The following TMEM232 variants were observed in gnomAD, a reference collection of about 807,000 sequenced individuals.
The protein encoded by TMEM232 is transmembrane protein 232.
TMEM232 carries 80 observed loss-of-function variants against 78.8 expected under a neutral mutation model. The observed-to-expected ratio is 1.01, with a 90% CI of 0.85 to 1.22. The LOEUF (loss-of-function observed/expected upper bound fraction) is 1.22, where lower values mean the gene tolerates loss of function less well. Ranked by LOEUF, TMEM232 falls within the 50% of genes most tolerant of loss-of-function variation. The pLI, the probability that TMEM232 is intolerant of heterozygous loss-of-function variation, is 0.00. For synonymous variants in TMEM232, 297 were observed against 254.3 expected, an observed-to-expected ratio of 1.17 and a Z score of -1.60; for missense variants, 881 against 742.2, an observed-to-expected ratio of 1.19 and a Z score of -2.17.
intron 5 of TMEM232, among the ~76,000 whole-genome samples, chr5:110,637,441 C>T (rs1786003409): frequency 6.6e-6 from 1 of 151,780 alleles, no homozygotes; most frequent in African/African-American, 2.4e-5. Context: ...CCAAAATGTT[C>T]AACTGATGGA....
chr5:110,627,406 G>A (rs569013749), intron 6 of TMEM232, among the ~76,000 whole-genome samples: 19 of 152,228 alleles, frequency 1.2e-4, no homozygotes, highest in Non-Finnish European at 2.5e-4. Context: ...GGAGTAGGTC[G>A]TGAGAACGGA....
chr5:110,436,416 C>T (rs1580674000), intron 12 of TMEM232, among the ~76,000 whole-genome samples: 1 of 152,056 alleles, frequency 6.6e-6, no homozygotes, highest in South Asian at 2.1e-4. Flanking sequence ...TGTCTCTTCA[C>T]TTTGTTGACT....
At chr5:110,567,483 T>C (rs537561710) in intron 11 of TMEM232, among the ~76,000 whole-genome samples, 1 of 151,846 alleles carries the variant, frequency 6.6e-6, no homozygotes, top group African/African-American at 2.4e-5. Context: ...TCCTTTAATA[T>C]GGTAGTTGTT....
rs555169869 is a variant in TMEM232 at position 110,656,009 on chromosome 5, A to C, written c.125+11219T>G. Among the ~76,000 whole-genome samples, 4 of 151,824 alleles carry C rather than the reference A, an allele frequency of 2.6e-5. No homozygotes were observed. The East Asian group carries it at 7.8e-4, about 30-fold the overall frequency. On this transcript the variant is annotated intron_variant, in intron 2 of 13. Transcript: ENST00000455884. ...CAGCATGGCACATGTATACATATGA[A>C]CTAACCTGCACATTGTGCACATGTA...
At chr5:110,549,322 T>G (rs988519575) in intron 11 of TMEM232, among the ~76,000 whole-genome samples, 2 of 152,118 alleles carry the variant, frequency 1.3e-5, no homozygotes, top group African/African-American at 4.8e-5. Flanking sequence ...AGTTGATTTT[T>G]AAGACTGAGA....
At chr5:110,525,793 A>T (rs1270900509) in intron 12 of TMEM232, among the ~76,000 whole-genome samples, 1 of 151,384 alleles carries the variant, frequency 6.6e-6, no homozygotes, top group African/African-American at 2.4e-5. Flanking sequence ...AATAATTAAA[A>T]CTATATATTA....
At chr5:110,693,781 C>G (rs1398803160) in intron 1 of TMEM232, among the ~76,000 whole-genome samples, 1 of 152,066 alleles carries the variant, frequency 6.6e-6, no homozygotes, top group Non-Finnish European at 1.5e-5. Context: ...ACAAACAAAG[C>G]CTCCAAGAAA....
At chr5:110,453,575 A>G (rs1015428400) in intron 12 of TMEM232, among the ~76,000 whole-genome samples, 7 of 152,194 alleles carry the variant, frequency 4.6e-5, no homozygotes, top group African/African-American at 1.7e-4. Flanking sequence ...TGCTGGGATT[A>G]CAGGCGTGAG....
At chr5:110,680,675 T>A (rs1008500366) in intron 1 of TMEM232, among the ~76,000 whole-genome samples, 2 of 152,006 alleles carry the variant, frequency 1.3e-5, no homozygotes, top group African/African-American at 4.8e-5. Flanking sequence ...ACATTTATTA[T>A]AGGATGAGCA....
chr5:110,694,186 T>C (rs548239305), intron 1 of TMEM232, among the ~76,000 whole-genome samples: 13 of 152,266 alleles, frequency 8.5e-5, no homozygotes, highest in South Asian at 4.1e-4. Context: ...AACCCAGAAT[T>C]TCCTATCCAG....
chr5:110,479,043 C>T (rs1028454166), intron 12 of TMEM232, among the ~76,000 whole-genome samples: 1 of 150,724 alleles, frequency 6.6e-6, no homozygotes, highest in Non-Finnish European at 1.5e-5. Flanking sequence ...ACTAGAAATT[C>T]CTGAAAAAGT....
intron 2 of TMEM232, 114 bp from the exon 3 acceptor site, chr5:110,642,485 T>A: frequency 2.9e-6 from 2 of 694,204 alleles, no homozygotes; most frequent in Non-Finnish European, 4.4e-6. Context: ...AATACTTTCT[T>A]AATAAAACTG....
At chr5:110,634,638 AG>A (rs1257186378) in intron 5 of TMEM232, among the ~76,000 whole-genome samples, 4 of 152,042 alleles carry the variant, frequency 2.6e-5, no homozygotes, top group Non-Finnish European at 5.9e-5. Context: ...TAAAAAAAAA[AG>A]TTTTGAAACA....
At chr5:110,664,209 C>T (rs1301955685) in intron 2 of TMEM232, among the ~76,000 whole-genome samples, 1 of 152,012 alleles carries the variant, frequency 6.6e-6, no homozygotes, top group Admixed American at 6.6e-5. Context: ...ATGATTTTCA[C>T]TATGGCATTG....
rs1408862873 is a variant in TMEM232 at position 110,420,041 on chromosome 5, T to TC, written c.*538dup. Reference sequence around the variant, plus strand: ...CCAATCAATCTAAGATGACCAGCCCTCCCAGATTCAAATCTCTGAAATAGG... The same window carrying TC: ...CCAATCAATCTAAGATGACCAGCCCTCCCCAGATTCAAATCTCTGAAATAGG... On this transcript the variant is annotated 3_prime_UTR_variant, in exon 14 of 14. Transcript: ENST00000455884. 6.6e-6 allele frequency: 1 copy of TC among 152,334 alleles called. No individual in the cohort carries two copies. The highest frequency in any genetic ancestry group is 1.5e-5 in the Non-Finnish European group (1 of 68,176). 9.4% of individuals were successfully genotyped at this position (152,334 alleles called of 1,614,324 possible).
At chr5:110,725,443 T>C (rs144161410) in intron 1 of TMEM232, 4 of 152,176 alleles carry the variant, frequency 2.6e-5, no homozygotes, top group Non-Finnish European at 4.4e-5. Flanking sequence ...GGATGGACAA[T>C]GAACTTCAAG....
intron 12 of TMEM232, among the ~76,000 whole-genome samples, chr5:110,453,886 C>A (rs1242888890): frequency 6.8e-6 from 1 of 147,250 alleles, no homozygotes; most frequent in African/African-American, 2.5e-5. Context: ...GTGATATAGA[C>A]AAGGAATATT....
chr5:110,639,485 T>C (rs1193576856), intron 4 of TMEM232, among the ~76,000 whole-genome samples: 1 of 152,178 alleles, frequency 6.6e-6, no homozygotes, highest in African/African-American at 2.4e-5. Flanking sequence ...TATGCACATT[T>C]CTTTCATCTT....
intron 12 of TMEM232, among the ~76,000 whole-genome samples, chr5:110,450,292 T>C (rs910557726): frequency 6.6e-6 from 1 of 152,160 alleles, no homozygotes; most frequent in African/African-American, 2.4e-5. Flanking sequence ...ATTTTTTAGC[T>C]CTTCTCCGTC....
Sources: allele counts gnomAD v4.1 joint callset (sites outside exome capture counted in the v4.1 genomes callset), GRCh38; gene constraint gnomAD v4.1.1; transcripts MANE v1.5; gene names NCBI Gene and HGNC (gene_info 2026-07-23, HGNC 2026-07-21).